The following NAPEPLD variants were observed in gnomAD, a reference collection of about 807,000 sequenced individuals.
NAPEPLD encodes the protein N-acyl phosphatidylethanolamine phospholipase D.
NAPEPLD carries 23 observed loss-of-function variants against 38.1 expected under a neutral mutation model. That is an observed-to-expected ratio of 0.60 (90% CI 0.43 to 0.86). NAPEPLD has a LOEUF of 0.86. Ranked by LOEUF, NAPEPLD falls within the 40% of genes least tolerant of loss-of-function variation. The pLI is 0.00. For synonymous variants in NAPEPLD, 147 were observed against 162.0 expected, an observed-to-expected ratio of 0.91 and a Z score of 0.71; for missense variants, 411 against 476.8, an observed-to-expected ratio of 0.86 and a Z score of 1.28.
chr7:103,149,820 A>G (rs1189328602), upstream of NAPEPLD, among the ~76,000 whole-genome samples: 1 of 152,240 alleles, frequency 6.6e-6, no homozygotes, highest in South Asian at 2.1e-4. Context: ...AGACCCATTG[A>G]CGGACTGTCA....
intron 4 of NAPEPLD, 68 bp downstream of exon 4, chr7:103,114,992 G>T: frequency 8.3e-7 from 1 of 1,201,778 alleles, no homozygotes; most frequent in Non-Finnish European, 1.2e-6. Context: ...GAAAACTAAG[G>T]AACAGTGATG....
intron 2 of NAPEPLD, chr7:103,127,235 G>C (rs1808014446): frequency 6.6e-6 from 1 of 152,104 alleles, no homozygotes; most frequent in Non-Finnish European, 1.5e-5. Flanking sequence ...CAAAGGGCCT[G>C]TTCAAAGGAT....
chr7:103,145,162 A>G (rs1348545521), intron 1 of NAPEPLD, among the ~76,000 whole-genome samples: 2 of 152,254 alleles, frequency 1.3e-5, no homozygotes, highest in Admixed American at 1.3e-4. Context: ...TAAATTGAAG[A>G]TGAAGATTAT....
chr7:103,134,221 G>C (rs142311940), intron 1 of NAPEPLD, among the ~76,000 whole-genome samples: 9 of 152,170 alleles, frequency 5.9e-5, no homozygotes, highest in African/African-American at 2.2e-4. Context: ...ATAATTAATT[G>C]CTCATCCTCT....
chr7:103,120,288 C>T, intron 2 of NAPEPLD, 65 bp from the exon 3 acceptor site: 1 of 1,501,542 alleles, frequency 6.7e-7, no homozygotes, highest in South Asian at 1.3e-5. Flanking sequence ...TCATCATAGT[C>T]CACATTTTGA....
chr7:103,101,999 T>TCCCAC lies in NAPEPLD; in HGVS notation c.*1429_*1430insGTGGG, dbSNP rs1802467738. ...AGGACTAAATCTTATGTCAACTGAC[T>TCCCAC]CCCCCCCCGCCCCCCAACCACTGGC... On this transcript the variant is annotated 3_prime_UTR_variant, in exon 5 of 5. Transcript: ENST00000465647. 1 of 124,676 alleles carries TCCCAC rather than the reference T, an allele frequency of 8.0e-6. No individual in the cohort carries two copies. Among genetic ancestry groups the TCCCAC allele is most frequent in the Non-Finnish European group, 1.6e-5 (1 of 61,082 alleles). The allele number at this position is 124,676 out of a possible 1,614,324, so 7.7% of individuals were successfully genotyped here. A position where few individuals can be genotyped will look rare whatever the true frequency, so the allele number is the denominator to read the frequency against.
chr7:103,139,289 G>A (rs762764447), intron 1 of NAPEPLD, among the ~76,000 whole-genome samples: 35 of 152,236 alleles, frequency 2.3e-4, no homozygotes, highest in Non-Finnish European at 8.8e-5. Flanking sequence ...AGTTGCTGTG[G>A]AGAATATGAA....
At chr7:103,107,951 A>G (rs1803719671) in intron 4 of NAPEPLD, among the ~76,000 whole-genome samples, 1 of 152,156 alleles carries the variant, frequency 6.6e-6, no homozygotes, top group Non-Finnish European at 1.5e-5. Flanking sequence ...TAATCGTCAG[A>G]TTCATCAAGG....
intron 1 of NAPEPLD, among the ~76,000 whole-genome samples, chr7:103,135,363 C>T (rs1438446105): frequency 6.6e-6 from 1 of 152,302 alleles, no homozygotes; most frequent in East Asian, 1.9e-4. Context: ...TAAAATTAAA[C>T]TGTTCCCATC....
rs1808277811 is a variant in NAPEPLD at position 103,128,475 on chromosome 7, A to T, written c.294+8T>A. 2 of 1,612,710 alleles carry T rather than the reference A, an allele frequency of 1.2e-6. No homozygotes were observed. Among genetic ancestry groups the T allele is most frequent in the South Asian group, 2.2e-5 (2 of 90,702 alleles). ...AAATATAAAGCACTCAAAAAAGCCA[A>T]GCGCTACCTCTTTAGAACTTGGAAC... On this transcript the variant is annotated splice_region_variant and intron_variant, in intron 2 of 4. Transcript: ENST00000465647.
At chr7:103,130,997 T>G (rs1234470385) in intron 1 of NAPEPLD, among the ~76,000 whole-genome samples, 2 of 152,178 alleles carry the variant, frequency 1.3e-5, no homozygotes, top group Admixed American at 6.5e-5. Context: ...GCAGAAACAA[T>G]GACCATCCAT....
rs1309969096 is a variant in NAPEPLD at position 103,119,727 on chromosome 7, T to C, written c.791A>G (p.Lys264Arg). The change falls in exon 3 of 5, where the codon AAG becomes AGG. Residue 264 changes from lysine to arginine, a missense_variant. Coordinates refer to ENST00000465647, the MANE Select transcript of NAPEPLD (RefSeq NM_001122838.3). ...GACAGACCAGCTGCCCCATAGCACC[T>C]TGTTGTCATCCATTAGAGTCCTTTT... Reference protein sequence around the residue: ...WCKRTLMDDNKVLWGSWSVLG... With the variant: ...WCKRTLMDDNRVLWGSWSVLG... The C allele has an allele frequency of 1.5e-5, 24 of 1,614,180 alleles. No homozygotes were observed. In the East Asian group the frequency reaches 5.3e-4, roughly 36 times the overall value.
chr7:103,126,009 G>A (rs2129529840), intron 2 of NAPEPLD, among the ~76,000 whole-genome samples: 1 of 152,136 alleles, frequency 6.6e-6, no homozygotes, highest in Middle Eastern at 3.4e-3. Context: ...GAAAGACATT[G>A]TTTAATTAAT....
chr7:103,125,062 AAAT>A (rs1342358634), intron 2 of NAPEPLD, among the ~76,000 whole-genome samples: 1 of 152,244 alleles, frequency 6.6e-6, no homozygotes, highest in East Asian at 1.9e-4. Flanking sequence ...CATGTTTTTA[AAAT>A]ATCACTTTTA....
chr7:103,113,122 C>A (rs1563349089), intron 4 of NAPEPLD, among the ~76,000 whole-genome samples: 1 of 152,172 alleles, frequency 6.6e-6, no homozygotes, highest in Non-Finnish European at 1.5e-5. Context: ...ATTACTTCAT[C>A]TAAGTCCCAT....
chr7:103,101,999 T>TCCCCC lies in NAPEPLD; in HGVS notation c.*1425_*1429dup, dbSNP rs76739012. 1 of 124,768 alleles carries TCCCCC rather than the reference T, an allele frequency of 8.0e-6. No individual in the cohort carries two copies. The highest frequency in any genetic ancestry group is 3.0e-5 in the African/African-American group (1 of 33,562). The allele number at this position is 124,768 out of a possible 1,614,324, so 7.7% of individuals were successfully genotyped here. A position where few individuals can be genotyped will look rare whatever the true frequency, so the allele number is the denominator to read the frequency against. On this transcript the variant is annotated 3_prime_UTR_variant, in exon 5 of 5. Coordinates refer to ENST00000465647, the MANE Select transcript of NAPEPLD (RefSeq NM_001122838.3). ...AGGACTAAATCTTATGTCAACTGAC[T>TCCCCC]CCCCCCCCGCCCCCCAACCACTGGC...
chr7:103,134,240 G>A (rs1809567716), intron 1 of NAPEPLD, among the ~76,000 whole-genome samples: 1 of 152,140 alleles, frequency 6.6e-6, no homozygotes, highest in Non-Finnish European at 1.5e-5. Context: ...CTTTCCCTCT[G>A]TGAACAACAG....
rs540789227 is a variant in NAPEPLD at position 103,102,007 on chromosome 7, C to A, written c.*1422G>T. Reference sequence around the variant, plus strand: ...ATCTTATGTCAACTGACTCCCCCCCCGCCCCCCAACCACTGGCATTCATAC... The same window carrying A: ...ATCTTATGTCAACTGACTCCCCCCCAGCCCCCCAACCACTGGCATTCATAC... On this transcript the variant is annotated 3_prime_UTR_variant, in exon 5 of 5. Transcript: ENST00000465647. The A allele has an allele frequency of 1.9e-4, 27 of 141,664 alleles. No homozygotes were observed. The highest frequency in any genetic ancestry group is 6.7e-4 in the African/African-American group (26 of 38,638). The allele number at this position is 141,664 out of a possible 1,614,324, so 8.8% of individuals were successfully genotyped here.
chr7:103,108,852 T>A (rs1338815271), intron 4 of NAPEPLD, among the ~76,000 whole-genome samples: 2 of 152,018 alleles, frequency 1.3e-5, no homozygotes, highest in East Asian at 3.9e-4. Context: ...ACCCAACTCA[T>A]GTGCAAAGAC....
Sources: gnomAD v4.1 joint callset for allele counts (sites outside exome capture counted in the v4.1 genomes callset) on GRCh38, gnomAD v4.1.1 for gene constraint, MANE v1.5 for transcripts, NCBI Gene and HGNC (gene_info 2026-07-23, HGNC 2026-07-21) for gene names.